Variants in SEMA3E observed in about 807,000 individuals in gnomAD.
SEMA3E encodes the protein semaphorin 3E.
Under a neutral mutation model 93.6 loss-of-function variants are expected in SEMA3E, and 49 were observed. The observed-to-expected ratio is 0.52, with a 90% CI of 0.42 to 0.66. The LOEUF is 0.66. SEMA3E is among the 30% of genes least tolerant of loss of function. The pLI is 0.00. For synonymous variants in SEMA3E, 363 were observed against 330.7 expected (o/e 1.10, Z -1.06); for missense variants, 906 against 964.8 (o/e 0.94, Z 0.81).
intron 1 of SEMA3E, among the ~76,000 whole-genome samples, chr7:83,643,732 T>G (rs1794043753): frequency 6.6e-6 from 1 of 152,156 alleles, no homozygotes. Flanking sequence ...TATTGTAATT[T>G]CTCACAACTT....
At chr7:83,509,982 A>G (rs973856870) in intron 1 of SEMA3E, among the ~76,000 whole-genome samples, 5 of 152,202 alleles carry the variant, frequency 3.3e-5, no homozygotes, top group African/African-American at 1.2e-4. Flanking sequence ...GTAGGAAAAT[A>G]AAACTGACCA....
In SEMA3E at chr7:83,400,057, C is replaced by T. The variant is rs1788207145; in HGVS notation, c.1337G>A (p.Gly446Asp). Residue 446 changes from glycine to aspartate, a missense_variant, in exon 11 of 17, where the codon GGC becomes GAC. Coordinates refer to ENST00000643230, the MANE Select transcript of SEMA3E (RefSeq NM_012431.3). ...CCCAATAAACAAGACGTCATATTGG[C>T]CATCCTCAGCTTCCACTCGATCTAC... ...IAVDRVEAED[G>D]QYDVLFIGTD... is the part of the protein sequence containing the mutation. The T allele has an allele frequency of 5.6e-6, 9 of 1,613,594 alleles. No individual in the cohort carries two copies. The Admixed American group carries it at 1.5e-4, about 27-fold the overall frequency.
At chr7:83,459,184 A>G (rs1039589884) in intron 4 of SEMA3E, among the ~76,000 whole-genome samples, 4 of 152,010 alleles carry the variant, frequency 2.6e-5, no homozygotes, top group African/African-American at 9.7e-5. Context: ...CCAATGATAA[A>G]GACAAAATCT....
At chr7:83,446,449 G>C (rs1789232177) in intron 4 of SEMA3E, among the ~76,000 whole-genome samples, 1 of 152,190 alleles carries the variant, frequency 6.6e-6, no homozygotes, top group Non-Finnish European at 1.5e-5. Context: ...AGTAGTTTGT[G>C]GTGACGTTTT....
Position 83,444,673 on chromosome 7 carries a change from A to ATTTT in SEMA3E, c.456+21805_456+21808dup, listed in dbSNP as rs397952833. Among the ~76,000 whole-genome samples, 167 of 142,292 alleles carry ATTTT rather than the reference A, an allele frequency of 1.2e-3. 1 individual carries two copies. The highest frequency in any genetic ancestry group is 4.0e-3 in the African/African-American group (155 of 38,696). 93.3% of individuals were successfully genotyped at this position (142,292 alleles called of 152,430 possible). ...AGGCTAGGAAGGCAGAATATTCAGC[A>ATTTT]TTTTTTTTTTTTTTTGAGATGGAGT... On this transcript the variant is annotated intron_variant, in intron 4 of 16. Coordinates refer to ENST00000643230, the MANE Select transcript of SEMA3E (RefSeq NM_012431.3).
intron 1 of SEMA3E, among the ~76,000 whole-genome samples, chr7:83,548,977 A>G (rs942799102): frequency 4.6e-5 from 7 of 152,102 alleles, no homozygotes; most frequent in Admixed American, 4.6e-4. Context: ...CTTTCAGCCT[A>G]TCACAACATA....
chr7:83,367,465 A>G lies in SEMA3E; in HGVS notation c.*121T>C. The G allele has an allele frequency of 3.0e-6, 3 of 986,406 alleles. No individual in the cohort carries two copies. The highest frequency in any genetic ancestry group is 4.9e-6 in the Non-Finnish European group (3 of 617,432). The allele number at this position is 986,406 out of a possible 1,614,324, so 61.1% of individuals were successfully genotyped here. A position where few individuals can be genotyped will look rare whatever the true frequency, so the allele number is the denominator to read the frequency against. ...GAATAATTTATTATAACACCTTCATAGTCATTCCTGTATTACAGAAATCTC... is the reference window on the plus strand; with the variant it reads ...GAATAATTTATTATAACACCTTCATGGTCATTCCTGTATTACAGAAATCTC... On this transcript the variant is annotated 3_prime_UTR_variant, in exon 17 of 17. Coordinates refer to ENST00000643230, the MANE Select transcript of SEMA3E (RefSeq NM_012431.3).
rs143819969 is a variant in SEMA3E, at chr7:83,426,483, T to C, written c.457-8000A>G. On this transcript the variant is annotated intron_variant, in intron 4 of 16. Coordinates refer to ENST00000643230, the MANE Select transcript of SEMA3E (RefSeq NM_012431.3). Reference sequence around the variant, plus strand: ...ATTAATGTAAGAACAGGAAACCAAATGTCACATGTTCTCACTTATAGAACA... The same window carrying C: ...ATTAATGTAAGAACAGGAAACCAAACGTCACATGTTCTCACTTATAGAACA... Among the ~76,000 whole-genome samples, 424 of 152,226 alleles carry C rather than the reference T, an allele frequency of 2.8e-3. 3 individuals are homozygous for C. Among genetic ancestry groups the C allele is most frequent in the Non-Finnish European group, 4.8e-3 (324 of 68,008 alleles).
intron 9 of SEMA3E, among the ~76,000 whole-genome samples, chr7:83,405,166 A>G (rs1788302577): frequency 1.3e-5 from 2 of 152,034 alleles, no homozygotes; most frequent in South Asian, 4.1e-4. Flanking sequence ...GTGAAAAAAA[A>G]ATCACTGTGT....
intron 1 of SEMA3E, among the ~76,000 whole-genome samples, chr7:83,570,565 A>AAAAAAAAG (rs1792263037): frequency 6.9e-6 from 1 of 145,668 alleles, no homozygotes; most frequent in Non-Finnish European, 1.5e-5. Context: ...AAAAAAAAAA[A>AAAAAAAAG]AAAAAAAGAA....
chr7:83,490,211 G>A lies in SEMA3E; in HGVS notation c.179C>T (p.Thr60Ile), dbSNP rs776810658. Reference sequence around the variant, plus strand: ...CTCTTGATATTCATCCAGCAGCATTGTATGGAGATCAAGAAATCCAAAAGG... The same window carrying A: ...CTCTTGATATTCATCCAGCAGCATTATATGGAGATCAAGAAATCCAAAAGG... Reference protein sequence around the residue: ...HSPFGFLDLHTMLLDEYQERL... With the variant: ...HSPFGFLDLHIMLLDEYQERL... The change falls in exon 2 of 17, where the codon ACA becomes ATA. Residue 60 changes from threonine (T) to isoleucine (I), a missense_variant. Transcript: ENST00000643230. 6.2e-7 allele frequency: 1 copy of A among 1,612,972 alleles called. No individual in the cohort carries two copies. Among genetic ancestry groups the A allele is most frequent in the East Asian group, 2.2e-5 (1 of 44,840 alleles).
At chr7:83,584,068 T>C (rs557022219) in intron 1 of SEMA3E, among the ~76,000 whole-genome samples, 40 of 152,274 alleles carry the variant, frequency 2.6e-4, no homozygotes, top group African/African-American at 9.4e-4. Flanking sequence ...CCAGTTGAGG[T>C]AGTGTTTTAT....
At chr7:83,464,521 C>T (rs1426259667) in intron 4 of SEMA3E, among the ~76,000 whole-genome samples, 1 of 114,384 alleles carries the variant, frequency 8.7e-6, no homozygotes, top group Admixed American at 1.0e-4. Flanking sequence ...CAAACTGCCA[C>T]TCTTAACCCT....
intron 1 of SEMA3E, among the ~76,000 whole-genome samples, chr7:83,634,236 G>A (rs1029155944): frequency 3.9e-5 from 6 of 152,090 alleles, no homozygotes; most frequent in Admixed American, 3.9e-4. Flanking sequence ...TATGTCCCTT[G>A]AGACCAGTAC....
intron 9 of SEMA3E, among the ~76,000 whole-genome samples, chr7:83,403,323 T>C (rs1436548032): frequency 6.6e-6 from 1 of 151,932 alleles, no homozygotes; most frequent in Non-Finnish European, 1.5e-5. Context: ...TAAACTTTAA[T>C]ATGCTTGTAT....
At chr7:83,621,308 A>G (rs949408153) in intron 1 of SEMA3E, among the ~76,000 whole-genome samples, 5 of 152,132 alleles carry the variant, frequency 3.3e-5, no homozygotes, top group Admixed American at 6.6e-5. Flanking sequence ...GGACTTTTTC[A>G]AGGAGAACTA....
chr7:83,639,641 A>T (rs1161914406), intron 1 of SEMA3E, among the ~76,000 whole-genome samples: 4 of 150,696 alleles, frequency 2.7e-5, no homozygotes, highest in Non-Finnish European at 4.4e-5. Context: ...ACACCATATC[A>T]TTCATCTTTG....
At chr7:83,372,347 A>T (rs777119660) in intron 16 of SEMA3E, 7 of 397,904 alleles carry the variant, frequency 1.8e-5, no homozygotes, top group Admixed American at 4.4e-5. Context: ...TGTCTCTGTT[A>T]TATCTCCTGT....
intron 16 of SEMA3E, among the ~76,000 whole-genome samples, chr7:83,382,596 TATC>T (rs1787798387): frequency 6.6e-6 from 1 of 151,898 alleles, no homozygotes; most frequent in Admixed American, 6.6e-5. Context: ...TCTCTCAGGA[TATC>T]ATAATAATTG....
Sources: allele counts gnomAD v4.1 joint callset (sites outside exome capture counted in the v4.1 genomes callset), GRCh38; gene constraint gnomAD v4.1.1; transcripts MANE v1.5; gene names NCBI Gene and HGNC (gene_info 2026-07-23, HGNC 2026-07-21).